Variants in TCF15 observed in about 807,000 individuals in gnomAD.
TCF15 encodes the protein transcription factor 15.
In TCF15, 7 loss-of-function variants were observed where a neutral mutation model predicts 11.1. The observed-to-expected ratio is 0.63, with a 90% CI of 0.36 to 1.19. The LOEUF (loss-of-function observed/expected upper bound fraction) is 1.19, where lower values mean the gene tolerates loss of function less well. TCF15 is among the 50% of genes most tolerant of loss of function. TCF15 has a pLI of 0.02. For synonymous variants in TCF15, 144 were observed against 138.9 expected (o/e 1.04, Z -0.26); for missense variants, 288 against 289.4 (o/e 1.00, Z 0.03).
intron 1 of TCF15, among the ~76,000 whole-genome samples, chr20:606,797 G>A (rs1000858149): frequency 4.8e-5 from 7 of 146,368 alleles, no homozygotes; most frequent in Non-Finnish European, 7.4e-5. Context: ...CAGCCTGGGC[G>A]ACAGAGCGAG....
chr20:609,646 C>G lies in TCF15; in HGVS notation c.525+67G>C. The G allele has an allele frequency of 7.6e-7, 1 of 1,308,216 alleles. No individual in the cohort carries two copies. The allele number at this position is 1,308,216 out of a possible 1,614,324, so 81.0% of individuals were successfully genotyped here. On this transcript the variant is annotated intron_variant, in intron 1 of 1. Transcript: ENST00000246080. The surrounding 1 kb of genome is among the most constrained non-coding windows in gnomAD (Gnocchi z 4.7). ...TGGGGACCCCTGCACCTCTCCGGTTCCCGCAGAGGCGCTGCCCCCCGCCTA... is the reference window on the plus strand; with the variant it reads ...TGGGGACCCCTGCACCTCTCCGGTTGCCGCAGAGGCGCTGCCCCCCGCCTA...
chr20:608,391 C>T (rs2019993880), intron 1 of TCF15, among the ~76,000 whole-genome samples: 1 of 152,162 alleles, frequency 6.6e-6, no homozygotes, highest in Non-Finnish European at 1.5e-5. Flanking sequence ...AGGGAGTATC[C>T]CTGAGAGCCC....
At position 609,150 on chromosome 20, in the gene TCF15, C is replaced by T. The variant is rs45597132; in HGVS notation, c.525+563G>A. Among the ~76,000 whole-genome samples, 780 of 152,284 alleles carry T rather than the reference C, an allele frequency of 5.1e-3. 7 individuals are homozygous for T. Among genetic ancestry groups the T allele is most frequent in the African/African-American group, 0.018 (739 of 41,558 alleles). On this transcript the variant is annotated intron_variant, in intron 1 of 1. Transcript: ENST00000246080. The surrounding 1 kb of genome is among the most constrained non-coding windows in gnomAD (Gnocchi z 4.7). ...GTTTGTGGCCTCCTTTCTTCTCAGTCTCCTGCTCTTGGGTTAGATCTTAGG... is the reference window on the plus strand; with the variant it reads ...GTTTGTGGCCTCCTTTCTTCTCAGTTTCCTGCTCTTGGGTTAGATCTTAGG...
rs2019960637 is a variant in TCF15, at chr20:604,990, C to T, written c.526-325G>A. ...GGAGAGAGGATGGGAGGGAGGCTCT[C>T]TCATGCTATACTGTTTTTTGAGATG... On this transcript the variant is annotated intron_variant, in intron 1 of 1. Coordinates refer to ENST00000246080, the MANE Select transcript of TCF15 (RefSeq NM_004609.4). This position sits in a 1 kb window ranked among gnomAD's most constrained non-coding sequence, Gnocchi z 4.2. Among the ~76,000 whole-genome samples, 1 of 152,082 alleles carries T rather than the reference C, an allele frequency of 6.6e-6. No homozygotes were observed. Among genetic ancestry groups the T allele is most frequent in the Admixed American group, 6.6e-5 (1 of 15,266 alleles).
At position 609,969 on chromosome 20, in the gene TCF15, G is replaced by T. The variant is rs1406968695; in HGVS notation, c.269C>A (p.Thr90Lys). ...RERDRTQSVNTAFTALRTLIP... is the reference protein window; with the variant it reads ...RERDRTQSVNKAFTALRTLIP... ...GAGCGTGCGCAGCGCCGTGAAGGCCGTGTTCACGCTCTGAGTGCGGTCCCG... is the reference window on the plus strand; with the variant it reads ...GAGCGTGCGCAGCGCCGTGAAGGCCTTGTTCACGCTCTGAGTGCGGTCCCG... Residue 90 changes from threonine to lysine, a missense_variant, in exon 1 of 2, where the codon ACG becomes AAG. Coordinates refer to ENST00000246080, the MANE Select transcript of TCF15 (RefSeq NM_004609.4). The surrounding 1 kb of genome is among the most constrained non-coding windows in gnomAD (Gnocchi z 4.7). 2.7e-6 allele frequency: 4 copies of T among 1,471,208 alleles called. No homozygotes were observed. The highest frequency in any genetic ancestry group is 3.6e-6 in the Non-Finnish European group (4 of 1,117,218). The allele number at this position is 1,471,208 out of a possible 1,614,324, so 91.1% of individuals were successfully genotyped here. A position where few individuals can be genotyped will look rare whatever the true frequency, so the allele number is the denominator to read the frequency against.
rs1175096071 is a variant in TCF15, at chr20:610,254, C to T, written c.-17G>A. ...GAACGCCATGGGCGCCGGCCGCGTC[C>T]CTCCGTGCGCCGCGTCCCAGCGTCG... is the stretch of plus-strand genomic sequence containing the variant. On this transcript the variant is annotated 5_prime_UTR_variant, in exon 1 of 2. Transcript: ENST00000246080. 1 of 991,306 alleles carries T rather than the reference C, an allele frequency of 1.0e-6. No individual in the cohort carries two copies. Among genetic ancestry groups the T allele is most frequent in the South Asian group, 4.5e-5 (1 of 22,256 alleles). 61.4% of individuals were successfully genotyped at this position (991,306 alleles called of 1,614,324 possible). A position where few individuals can be genotyped will look rare whatever the true frequency, so the allele number is the denominator to read the frequency against.
Position 604,296 on chromosome 20 carries a change from C to A in TCF15, c.*295G>T. ...AGCTTTTATTTTAAACTCACCAATT[C>A]TCTCTCACACACACTCACACTCACG... On this transcript the variant is annotated 3_prime_UTR_variant, in exon 2 of 2. Transcript: ENST00000246080. The surrounding 1 kb of genome is among the most constrained non-coding windows in gnomAD (Gnocchi z 4.2). The A allele has an allele frequency of 2.0e-6, 1 of 493,170 alleles. No individual in the cohort carries two copies. The highest frequency in any genetic ancestry group is 2.3e-5 in the South Asian group (1 of 43,262). The allele number at this position is 493,170 out of a possible 1,614,324, so 30.5% of individuals were successfully genotyped here.
rs1158193992 is a variant in TCF15 at position 609,958 on chromosome 20, C to T, written c.280G>A (p.Ala94Thr). Residue 94 changes from alanine to threonine, a missense_variant, in exon 1 of 2, where the codon GCG becomes ACG. Coordinates refer to ENST00000246080, the MANE Select transcript of TCF15 (RefSeq NM_004609.4). This position sits in a 1 kb window ranked among gnomAD's most constrained non-coding sequence, Gnocchi z 4.7. ...TCGGTGGGGATGAGCGTGCGCAGCG[C>T]CGTGAAGGCCGTGTTCACGCTCTGA... ...RTQSVNTAFT[A>T]LRTLIPTEPV... 2.3e-5 allele frequency: 34 copies of T among 1,479,598 alleles called. No homozygotes were observed. Among genetic ancestry groups the T allele is most frequent in the Non-Finnish European group, 3.0e-5 (34 of 1,121,916 alleles). The allele number at this position is 1,479,598 out of a possible 1,614,324, so 91.7% of individuals were successfully genotyped here.
intron 1 of TCF15, among the ~76,000 whole-genome samples, chr20:605,654 T>C (rs999186312): frequency 6.6e-6 from 1 of 152,182 alleles, no homozygotes; most frequent in African/African-American, 2.4e-5. Flanking sequence ...CCGCCTGAAT[T>C]AAGTGGCAGC....
rs1409417836 is a variant in TCF15 at position 610,297 on chromosome 20, G to C, written c.-60C>G. 4 of 985,808 alleles carry C rather than the reference G, an allele frequency of 4.1e-6. No homozygotes were observed. Among genetic ancestry groups the C allele is most frequent in the Non-Finnish European group, 4.8e-6 (4 of 830,100 alleles). The allele number at this position is 985,808 out of a possible 1,614,324, so 61.1% of individuals were successfully genotyped here. A position where few individuals can be genotyped will look rare whatever the true frequency, so the allele number is the denominator to read the frequency against. On this transcript the variant is annotated 5_prime_UTR_variant, in exon 1 of 2. Transcript: ENST00000246080. ...CAGCGTCGGCCGCGCCCCGCCGTGC[G>C]CTCCCGCGCGCTCCCACGGCCCCGC...
chr20:606,743 G>A lies in TCF15; in HGVS notation c.526-2078C>T, dbSNP rs139510721. On this transcript the variant is annotated intron_variant, in intron 1 of 1. Transcript: ENST00000246080. ...TGGGGCAGGAGAACTGCTTGAACCC[G>A]GGAGGCGGAGGCTGCAGTGAGTTGA... Among the ~76,000 whole-genome samples, 426 of 151,998 alleles carry A rather than the reference G, an allele frequency of 2.8e-3. 2 individuals are homozygous for A. Among genetic ancestry groups the A allele is most frequent in the African/African-American group, 9.4e-3 (390 of 41,418 alleles).
At position 604,339 on chromosome 20, in the gene TCF15, CCT is replaced by C. The variant is rs1600448858; in HGVS notation, c.*250_*251del. ...CACTCACGCACAGATACACACACACCCTGTCACCAACAGTCTTTGTTTTTCCA... is the reference window on the plus strand; with the variant it reads ...CACTCACGCACAGATACACACACACCGTCACCAACAGTCTTTGTTTTTCCA... On this transcript the variant is annotated 3_prime_UTR_variant, in exon 2 of 2. Transcript: ENST00000246080. This position sits in a 1 kb window ranked among gnomAD's most constrained non-coding sequence, Gnocchi z 4.2. 1.0e-5 allele frequency: 6 copies of C among 579,072 alleles called. No individual in the cohort carries two copies. In the East Asian group the frequency reaches 1.7e-4, roughly 17 times the overall value. The allele number at this position is 579,072 out of a possible 1,614,324, so 35.9% of individuals were successfully genotyped here. A position where few individuals can be genotyped will look rare whatever the true frequency, so the allele number is the denominator to read the frequency against.
rs2020012881 is a variant in TCF15, at chr20:610,190, C to A, written c.48G>T (p.Pro16=). ...CGTCCTCGCTCAGCAGCCGCACGTC[C>A]GGGTACAGCACGTGCGCGCCGACGG... is the stretch of plus-strand genomic sequence containing the variant. ...LRPVGAHVLY[P]DVRLLSEDEE... The change falls in exon 1 of 2, where the codon CCG becomes CCT. Residue 16 remains proline, a synonymous_variant. Coordinates refer to ENST00000246080, the MANE Select transcript of TCF15 (RefSeq NM_004609.4). The A allele has an allele frequency of 2.9e-6, 3 of 1,050,972 alleles. No individual in the cohort carries two copies. Among genetic ancestry groups the A allele is most frequent in the East Asian group, 2.0e-4 (2 of 10,078 alleles). 65.1% of individuals were successfully genotyped at this position (1,050,972 alleles called of 1,614,324 possible).
chr20:607,101 C>T lies in TCF15; in HGVS notation c.526-2436G>A, dbSNP rs2019982128. ...CAGTGTTGGGAACAAAGTAAATGTT[C>T]AATAAATGTTCATAAGTATTATTAT... On this transcript the variant is annotated intron_variant, in intron 1 of 1. Coordinates refer to ENST00000246080, the MANE Select transcript of TCF15 (RefSeq NM_004609.4). 3.3e-5 allele frequency among the ~76,000 whole-genome samples: 5 copies of T among 152,294 alleles called. No homozygotes were observed. In the South Asian group the frequency reaches 1.0e-3, roughly 32 times the overall value.
intron 1 of TCF15, among the ~76,000 whole-genome samples, chr20:605,213 G>A (rs2019963215): frequency 6.6e-6 from 1 of 152,016 alleles, no homozygotes; most frequent in African/African-American, 2.4e-5. Context: ...CATATGATCT[G>A]TTGCTTAAAA....
rs45602833 is a variant in TCF15, at chr20:604,920, C to CA, written c.526-256dup. On this transcript the variant is annotated intron_variant, in intron 1 of 1. Transcript: ENST00000246080. The surrounding 1 kb of genome is among the most constrained non-coding windows in gnomAD (Gnocchi z 4.2). ...GCTGTGATTGCTGGGGAGAAGCACA[C>CA]ACGGGAAATTGTGAGTGGGTTTCTT... is the stretch of plus-strand genomic sequence containing the variant. Among the ~76,000 whole-genome samples, 1,350 of 152,306 alleles carry CA rather than the reference C, an allele frequency of 8.9e-3. 18 individuals carry two copies. Among genetic ancestry groups the CA allele is most frequent in the African/African-American group, 0.03 (1,255 of 41,562 alleles).
In TCF15 at chr20:609,943, T is replaced by C; in HGVS notation, c.295A>G (p.Ile99Val). The C allele has an allele frequency of 6.6e-7, 1 of 1,506,334 alleles. No homozygotes were observed. The highest frequency in any genetic ancestry group is 8.8e-7 in the Non-Finnish European group (1 of 1,136,384). The allele number at this position is 1,506,334 out of a possible 1,614,324, so 93.3% of individuals were successfully genotyped here. A position where few individuals can be genotyped will look rare whatever the true frequency, so the allele number is the denominator to read the frequency against. The change falls in exon 1 of 2, where the codon ATC becomes GTC. Residue 99 changes from isoleucine to valine, a missense_variant. Coordinates refer to ENST00000246080, the MANE Select transcript of TCF15 (RefSeq NM_004609.4). The surrounding 1 kb of genome is among the most constrained non-coding windows in gnomAD (Gnocchi z 4.7). Reference protein sequence around the residue: ...NTAFTALRTLIPTEPVDRKLS... With the variant: ...NTAFTALRTLVPTEPVDRKLS... ...TTGCGGTCCACCGGCTCGGTGGGGA[T>C]GAGCGTGCGCAGCGCCGTGAAGGCC...
At position 609,591 on chromosome 20, in the gene TCF15, G is replaced by T; in HGVS notation, c.525+122C>A. On this transcript the variant is annotated intron_variant, in intron 1 of 1. Transcript: ENST00000246080. The surrounding 1 kb of genome is among the most constrained non-coding windows in gnomAD (Gnocchi z 4.7). ...GGGCTTGGGGTGCCGCACCCAGCAC[G>T]AATTCCACGTCGCTTCCCCCTGGCC... is the stretch of plus-strand genomic sequence containing the variant. 1.7e-6 allele frequency: 2 copies of T among 1,174,918 alleles called. No individual in the cohort carries two copies. The highest frequency in any genetic ancestry group is 1.1e-6 in the Non-Finnish European group (1 of 922,328). 72.8% of individuals were successfully genotyped at this position (1,174,918 alleles called of 1,614,324 possible).
At chr20:607,304 C>T (rs2019983759) in intron 1 of TCF15, among the ~76,000 whole-genome samples, 1 of 152,192 alleles carries the variant, frequency 6.6e-6, no homozygotes, top group Admixed American at 6.5e-5. Flanking sequence ...CAGAGGGCCA[C>T]ACCTAACCCC....
Sources: gnomAD v4.1 joint callset for allele counts (sites outside exome capture counted in the v4.1 genomes callset) on GRCh38, gnomAD v4.1.1 for gene constraint, Gnocchi (gnomAD v3.1) non-coding constraint, MANE v1.5 for transcripts, NCBI Gene and HGNC (gene_info 2026-07-23, HGNC 2026-07-21) for gene names.